OSBPL10: variants seen among roughly 807,000 people sequenced by gnomAD.
OSBPL10 encodes oxysterol binding protein like 10, also known as oxysterol-binding protein-related protein 10.
A neutral mutation model predicts 81.7 loss-of-function variants in OSBPL10; 49 were observed. The observed-to-expected ratio is 0.60, with a 90% CI of 0.48 to 0.76. OSBPL10 has a LOEUF of 0.76. Among genes scored for constraint, OSBPL10 ranks in the 30% least tolerant of loss-of-function variants. The probability of loss-of-function intolerance (pLI) is 0.00; values close to 1 mark genes in which losing one functional copy is unlikely to be tolerated. For missense variants in OSBPL10, 923 were observed against 987.8 expected, an observed-to-expected ratio of 0.93 and a Z score of 0.88; for synonymous variants, 419 against 383.6, an observed-to-expected ratio of 1.09 and a Z score of -1.08.
At position 32,030,947 on chromosome 3, in the gene OSBPL10, C is replaced by A. The variant is rs530753536; in HGVS notation, n.298+15544G>T. 7.6e-4 allele frequency among the ~76,000 whole-genome samples: 115 copies of A among 152,110 alleles called. No individual in the cohort carries two copies. The Middle Eastern group carries it at 0.014, about 18-fold the overall frequency. ...TTGGGAGGCCGAGGCGGGTGGATCA[C>A]CTGAGGTCAGGAGTTCGAGACCAGC... On this transcript the variant is annotated intron_variant and non_coding_transcript_variant, in intron 2 of 3. Transcript: ENST00000479173.
intron 1 of OSBPL10, among the ~76,000 whole-genome samples, chr3:31,928,762 C>CA (rs58345341): frequency 0.075 from 7,099 of 94,684 alleles, 328 homozygotes; most frequent in African/African-American, 0.12. Context: ...GACTTGTCTC[C>CA]AAAAAAAAAA....
chr3:31,860,068 C>G (rs1238950315), intron 3 of OSBPL10, among the ~76,000 whole-genome samples: 1 of 152,156 alleles, frequency 6.6e-6, no homozygotes, highest in East Asian at 1.9e-4. Context: ...CCTCTCCCTC[C>G]TGCGCACATT....
chr3:31,805,585 G>T (rs1486654844), intron 4 of OSBPL10, among the ~76,000 whole-genome samples: 2 of 152,174 alleles, frequency 1.3e-5, no homozygotes, highest in African/African-American at 4.8e-5. Context: ...CTAACAAATT[G>T]AGCATTCTTG....
chr3:32,029,973 T>G (rs1699451043), intron 2 of OSBPL10, among the ~76,000 whole-genome samples: 1 of 152,194 alleles, frequency 6.6e-6, no homozygotes, highest in South Asian at 2.1e-4. Context: ...AAAAGTAGCT[T>G]GTAAACCATT....
At chr3:31,828,945 T>A (rs776936955) in intron 4 of OSBPL10, among the ~76,000 whole-genome samples, 2 of 152,198 alleles carry the variant, frequency 1.3e-5, no homozygotes, top group African/African-American at 2.4e-5. Flanking sequence ...AGACACAGTA[T>A]ATACATGTAA....
chr3:31,698,987 G>A (rs1695810865), intron 7 of OSBPL10, among the ~76,000 whole-genome samples: 1 of 152,108 alleles, frequency 6.6e-6, no homozygotes. Context: ...GATTCTCAAT[G>A]TTCTGCTGCA....
Position 31,785,165 on chromosome 3 carries a change from G to A in OSBPL10, c.730-37045C>T, listed in dbSNP as rs115570263. On this transcript the variant is annotated intron_variant, in intron 4 of 11. Coordinates refer to ENST00000396556, the MANE Select transcript of OSBPL10 (RefSeq NM_017784.5). ...CTCCCAAAGTGCCGGGATTACAGGCGTGAACCACCGCAGTCTTGAACCATA... is the reference window on the plus strand; with the variant it reads ...CTCCCAAAGTGCCGGGATTACAGGCATGAACCACCGCAGTCTTGAACCATA... Among the ~76,000 whole-genome samples the A allele has an allele frequency of 4.6e-3, 693 of 152,274 alleles. 5 individuals are homozygous for A. Among genetic ancestry groups the A allele is most frequent in the African/African-American group, 0.015 (642 of 41,554 alleles).
At position 32,063,019 on chromosome 3, in the gene OSBPL10, C is replaced by T. The variant is rs574328217; in HGVS notation, n.185+14377G>A. 1.8e-4 allele frequency among the ~76,000 whole-genome samples: 17 copies of T among 93,510 alleles called. 2 individuals are homozygous for T. The highest frequency in any genetic ancestry group is 4.7e-4 in the African/African-American group (17 of 36,352). The allele number at this position is 93,510 out of a possible 152,430, so 61.3% of individuals were successfully genotyped here. A position where few individuals can be genotyped will look rare whatever the true frequency, so the allele number is the denominator to read the frequency against. On this transcript the variant is annotated intron_variant and non_coding_transcript_variant, in intron 1 of 3. Transcript: ENST00000479173. ...ACGTCAATCCACAGCAGTTTAGGTA[C>T]TGAAAATATTTATGTATTCCCTGGT...
intron 4 of OSBPL10, among the ~76,000 whole-genome samples, chr3:31,760,825 GC>G (rs1166118798): frequency 9.9e-5 from 15 of 152,010 alleles, no homozygotes; most frequent in Non-Finnish European, 1.5e-4. Context: ...ACAACTTATT[GC>G]CCAATTCCCT....
intron 4 of OSBPL10, among the ~76,000 whole-genome samples, chr3:31,781,874 A>T (rs1424996021): frequency 6.6e-6 from 1 of 152,200 alleles, no homozygotes; most frequent in African/African-American, 2.4e-5. Flanking sequence ...GAAAATGACC[A>T]TACTGCCAAA....
At chr3:31,709,060 G>C (rs1268780627) in intron 6 of OSBPL10, 13 of 984,722 alleles carry the variant, frequency 1.3e-5, no homozygotes, top group Non-Finnish European at 1.4e-5. Context: ...TTGCCATTTG[G>C]AGGTAGATTC....
rs546098822 is a variant in OSBPL10 at position 32,059,485 on chromosome 3, G to A, written n.186-12882C>T. ...GGGCACCTATAATCCCAGCTACTCC[G>A]GAGGCTGAGGCAGGAGAATCGCTTG... On this transcript the variant is annotated intron_variant and non_coding_transcript_variant, in intron 1 of 3. Transcript: ENST00000479173. Among the ~76,000 whole-genome samples the A allele has an allele frequency of 1.3e-4, 19 of 151,874 alleles. No homozygotes were observed. The East Asian group carries it at 2.1e-3, about 17-fold the overall frequency.
chr3:31,878,814 C>CAT (rs1701546784), intron 2 of OSBPL10, among the ~76,000 whole-genome samples: 105 of 104,822 alleles, frequency 1.0e-3, no homozygotes, highest in Middle Eastern at 5.2e-3. Flanking sequence ...TCTGCGTGTC[C>CAT]ATGTGTGTGT....
chr3:32,019,342 G>T (rs368445133), intron 2 of OSBPL10, among the ~76,000 whole-genome samples: 12 of 151,660 alleles, frequency 7.9e-5, no homozygotes, highest in East Asian at 5.8e-4. Flanking sequence ...GCTACCCCAT[G>T]AAAAAAAATA....
chr3:32,055,884 G>C (rs938158800), intron 1 of OSBPL10, among the ~76,000 whole-genome samples: 1 of 152,178 alleles, frequency 6.6e-6, no homozygotes, highest in Non-Finnish European at 1.5e-5. Flanking sequence ...AAAGGAATTT[G>C]ACCAACTCAT....
intron 4 of OSBPL10, among the ~76,000 whole-genome samples, chr3:31,829,214 C>A (rs1700173050): frequency 6.6e-6 from 1 of 152,102 alleles, no homozygotes; most frequent in Non-Finnish European, 1.5e-5. Context: ...TGGTCTGTAC[C>A]CAAGTAAGCT....
At chr3:31,673,781 T>C (rs1316727351) in intron 8 of OSBPL10, among the ~76,000 whole-genome samples, 1 of 152,150 alleles carries the variant, frequency 6.6e-6, no homozygotes, top group Non-Finnish European at 1.5e-5. Context: ...TCTCGTGTAA[T>C]GCCAGGCAGC....
At chr3:32,002,221 G>A (rs1699156240) in intron 2 of OSBPL10, among the ~76,000 whole-genome samples, 2 of 152,084 alleles carry the variant, frequency 1.3e-5, no homozygotes, top group Admixed American at 6.6e-5. Context: ...CATTTTAGGT[G>A]CTATGATGAA....
intron 1 of OSBPL10, among the ~76,000 whole-genome samples, chr3:31,958,598 A>G (rs1473510309): frequency 1.3e-5 from 2 of 152,188 alleles, no homozygotes; most frequent in African/African-American, 4.8e-5. Flanking sequence ...TATATTTGTT[A>G]TGTCAACTTT....
Sources: allele counts gnomAD v4.1 joint callset (sites outside exome capture counted in the v4.1 genomes callset), GRCh38; gene constraint gnomAD v4.1.1; transcripts MANE v1.5; gene names NCBI Gene and HGNC (gene_info 2026-07-23, HGNC 2026-07-21).